Variants in PRKAR1A observed in about 807,000 individuals in gnomAD.
PRKAR1A encodes cAMP-dependent protein kinase type I-alpha regulatory subunit.
In PRKAR1A, 3 loss-of-function variants were observed where a neutral mutation model predicts 52.0. That is an observed-to-expected ratio of 0.06 (90% CI 0.03 to 0.15). The LOEUF (loss-of-function observed/expected upper bound fraction) is 0.15, where lower values mean the gene tolerates loss of function less well. Ranked by LOEUF, PRKAR1A falls within the 10% of genes least tolerant of loss-of-function variation. PRKAR1A has a pLI of 1.00. For synonymous variants in PRKAR1A, 188 were observed against 168.4 expected, an observed-to-expected ratio of 1.12 and a Z score of -0.90; for missense variants, 240 against 477.4, an observed-to-expected ratio of 0.50 and a Z score of 4.63.
intron 2 of PRKAR1A, among the ~76,000 whole-genome samples, chr17:68,521,044 C>T (rs961431536): frequency 1.3e-5 from 2 of 152,082 alleles, no homozygotes; most frequent in Non-Finnish European, 2.9e-5. Flanking sequence ...TGGGTTCAGG[C>T]GATTCTCCTG....
At chr17:68,471,577 C>T in the PRKAR1A span, among the ~76,000 whole-genome samples, 3 of 152,162 alleles carry the variant, frequency 2.0e-5, no homozygotes, top group Admixed American at 2.0e-4. Flanking sequence ...TTCCCACCTC[C>T]TCCTTTCCGT....
the PRKAR1A span, among the ~76,000 whole-genome samples, chr17:68,486,357 C>T: frequency 6.6e-6 from 1 of 151,734 alleles, no homozygotes; most frequent in Non-Finnish European, 1.5e-5. Flanking sequence ...TCTTCTCATC[C>T]CCCTCTTCCT....
chr17:68,474,728 T>C, the PRKAR1A span, among the ~76,000 whole-genome samples: 1 of 152,118 alleles, frequency 6.6e-6, no homozygotes, highest in Non-Finnish European at 1.5e-5. Context: ...ACTCCGTGCC[T>C]ACTAAAAATA....
chr17:68,506,427 T>C, the PRKAR1A span, among the ~76,000 whole-genome samples: 2 of 143,594 alleles, frequency 1.4e-5, no homozygotes, highest in Non-Finnish European at 3.0e-5. Flanking sequence ...ACCCCCATAA[T>C]TTGGCCATTT....
chr17:68,453,479 CTTTTTTTT>C, the PRKAR1A span, among the ~76,000 whole-genome samples: 2 of 136,200 alleles, frequency 1.5e-5, no homozygotes, highest in Non-Finnish European at 3.2e-5. Flanking sequence ...TTTTCTTTTC[CTTTTTTTT>C]TTTTTTTTTG....
the PRKAR1A span, among the ~76,000 whole-genome samples, chr17:68,502,855 A>G: frequency 6.6e-6 from 1 of 152,014 alleles, no homozygotes; most frequent in Non-Finnish European, 1.5e-5. Context: ...CATCATCTAT[A>G]TTAGCAACAG....
At chr17:68,513,421 G>T (rs1397901347) in intron 1 of PRKAR1A, 1 of 152,228 alleles carries the variant, frequency 6.6e-6, no homozygotes, top group East Asian at 1.9e-4. Context: ...GCTGGTCTAA[G>T]GGGGTGCGGT....
intron 11 of PRKAR1A, chr17:68,540,624 G>A (rs968993854): frequency 3.1e-6 from 2 of 641,706 alleles, no homozygotes; most frequent in Non-Finnish European, 5.7e-6. Context: ...AGGGTGAGAT[G>A]CCTGCCTTAT....
At chr17:68,539,733 A>G (rs979650584) in intron 11 of PRKAR1A, 109 of 743,220 alleles carry the variant, frequency 1.5e-4, no homozygotes, top group Non-Finnish European at 2.4e-4. Context: ...GTAAAGAGAA[A>G]GAAGGAAATG....
the PRKAR1A span, among the ~76,000 whole-genome samples, chr17:68,432,542 G>C: frequency 2.0e-5 from 3 of 152,256 alleles, no homozygotes; most frequent in African/African-American, 4.8e-5. Flanking sequence ...AGGTCCGCAT[G>C]TGTCAGCATT....
At chr17:68,541,978 AACTC>A (rs2086318864) in intron 11 of PRKAR1A, 8 of 1,612,154 alleles carry the variant, frequency 5.0e-6, no homozygotes, top group South Asian at 2.2e-5. Flanking sequence ...CCTGGGGACC[AACTC>A]ACTCCTCTTT....
chr17:68,452,853 TAGA>T, the PRKAR1A span: 6 of 1,528,752 alleles, frequency 3.9e-6, no homozygotes, highest in Non-Finnish European at 5.4e-6. Flanking sequence ...GATTAAAGCC[TAGA>T]AGGAGGCTCT....
the PRKAR1A span, among the ~76,000 whole-genome samples, chr17:68,419,537 A>G: frequency 6.6e-6 from 1 of 152,200 alleles, no homozygotes; most frequent in Non-Finnish European, 1.5e-5. Flanking sequence ...AGATTGTGCC[A>G]TTGCACTCCA....
intron 5 of PRKAR1A, 134 bp from the exon 6 acceptor site, chr17:68,524,777 TC>T: frequency 1.4e-6 from 1 of 734,338 alleles, no homozygotes; most frequent in Non-Finnish European, 2.3e-6. Flanking sequence ...TGATTTTCTT[TC>T]CCCTGAAAGA....
At chr17:68,433,547 T>G in the PRKAR1A span, 1 of 1,613,930 alleles carries the variant, frequency 6.2e-7, no homozygotes, top group Non-Finnish European at 8.5e-7. Context: ...GAATCCATAC[T>G]GAACACTAGA....
At chr17:68,539,272 G>T in intron 11 of PRKAR1A, 2 of 1,553,494 alleles carry the variant, frequency 1.3e-6, no homozygotes, top group Non-Finnish European at 8.9e-7. Context: ...TCAGACCTTG[G>T]CTGCAAGCAG....
At chr17:68,543,428 C>G (rs1002302480) in intron 11 of PRKAR1A, among the ~76,000 whole-genome samples, 4 of 152,128 alleles carry the variant, frequency 2.6e-5, no homozygotes, top group Non-Finnish European at 5.9e-5. Flanking sequence ...TCGTTACATT[C>G]GTTAAAAGGC....
At chr17:68,424,017 A>C in the PRKAR1A span, among the ~76,000 whole-genome samples, 2 of 152,318 alleles carry the variant, frequency 1.3e-5, no homozygotes, top group Non-Finnish European at 1.5e-5. Flanking sequence ...TCTGACCTAG[A>C]GTGCTCTGGA....
exon 12 of PRKAR1A, chr17:68,551,113 C>T: frequency 8.1e-7 from 1 of 1,234,288 alleles, no homozygotes; most frequent in Non-Finnish European, 1.0e-6. Flanking sequence ...GAGGAGCATT[C>T]CCCTGGGCTA....
Sources: allele counts gnomAD v4.1 joint callset (sites outside exome capture counted in the v4.1 genomes callset), GRCh38; gene constraint gnomAD v4.1.1; transcripts MANE v1.5; gene names NCBI Gene and HGNC (gene_info 2026-07-23, HGNC 2026-07-21).